Variants in CDH18 observed in about 807,000 individuals in gnomAD.
CDH18 encodes cadherin 18, also known as cadherin-18.
In CDH18, 31 loss-of-function variants were observed where a neutral mutation model predicts 67.9. The ratio of observed to expected loss-of-function variants is 0.46; its 90% CI spans 0.34 to 0.62. The LOEUF (loss-of-function observed/expected upper bound fraction) is 0.62. CDH18 is among the 20% of genes least tolerant of loss of function. The probability of loss-of-function intolerance (pLI) is 0.01; values close to 1 mark genes in which losing one functional copy is unlikely to be tolerated. For synonymous variants in CDH18, 362 were observed against 347.2 expected, an observed-to-expected ratio of 1.04 and a Z score of -0.48; for missense variants, 890 against 975.5, an observed-to-expected ratio of 0.91 and a Z score of 1.17.
At chr5:19,815,174 G>A (rs1199832643) in intron 3 of CDH18, among the ~76,000 whole-genome samples, 2 of 151,892 alleles carry the variant, frequency 1.3e-5, no homozygotes, top group African/African-American at 4.8e-5. Context: ...TTTGTTGGAG[G>A]ACTGTATCTA....
intron 2 of CDH18, among the ~76,000 whole-genome samples, chr5:20,115,333 T>C (rs952537821): frequency 1.5e-5 from 2 of 129,406 alleles, no homozygotes; most frequent in Non-Finnish European, 3.1e-5. Flanking sequence ...GGCTGAAGTG[T>C]AGTGGCGCGA....
chr5:20,431,423 G>T (rs1007717923), intron 1 of CDH18, among the ~76,000 whole-genome samples: 2 of 151,232 alleles, frequency 1.3e-5, no homozygotes, highest in Non-Finnish European at 2.9e-5. Flanking sequence ...AACCCAGAAA[G>T]GTGGAGGCTG....
Position 19,473,091 on chromosome 5 carries a change from C to A in CDH18, c.*135G>T. ...AACCCAGTTTCGATCATGAAAAGGG[C>A]ACTTGTTTCTACAGGAGCTGTGTCC... On this transcript the variant is annotated 3_prime_UTR_variant, in exon 13 of 13. Transcript: ENST00000382275. 1 of 957,036 alleles carries A rather than the reference C, an allele frequency of 1.0e-6. No homozygotes were observed. The highest frequency in any genetic ancestry group is 1.8e-5 in the South Asian group (1 of 56,282). The allele number at this position is 957,036 out of a possible 1,614,324, so 59.3% of individuals were successfully genotyped here.
chr5:19,949,123 T>C (rs1204195586), intron 2 of CDH18, among the ~76,000 whole-genome samples: 1 of 152,120 alleles, frequency 6.6e-6, no homozygotes, highest in East Asian at 1.9e-4. Context: ...TCACACTATA[T>C]TTTCTCAGGA....
intron 3 of CDH18, among the ~76,000 whole-genome samples, chr5:19,824,383 C>T (rs1780197548): frequency 1.3e-5 from 2 of 152,108 alleles, no homozygotes; most frequent in Admixed American, 1.3e-4. Flanking sequence ...AGGAGAACCT[C>T]CCCAGTATGG....
At chr5:19,580,932 TTCA>T (rs1743149084) in intron 7 of CDH18, among the ~76,000 whole-genome samples, 2 of 152,068 alleles carry the variant, frequency 1.3e-5, no homozygotes, top group Admixed American at 6.6e-5. Context: ...AAAAGATACC[TTCA>T]TCATCATCTT....
intron 2 of CDH18, among the ~76,000 whole-genome samples, chr5:20,213,112 G>C (rs1740481515): frequency 6.6e-6 from 1 of 152,110 alleles, no homozygotes; most frequent in South Asian, 2.1e-4. Flanking sequence ...TTGATTAAAA[G>C]TGTATATACA....
At chr5:19,493,415 TAAG>T (rs1437870033) in intron 11 of CDH18, among the ~76,000 whole-genome samples, 1 of 152,086 alleles carries the variant, frequency 6.6e-6, no homozygotes, top group Non-Finnish European at 1.5e-5. Context: ...GAATTTCTCT[TAAG>T]AAGAAAGGCG....
chr5:20,251,823 A>C (rs1234209825), intron 2 of CDH18, among the ~76,000 whole-genome samples: 1 of 152,236 alleles, frequency 6.6e-6, no homozygotes, highest in East Asian at 1.9e-4. Flanking sequence ...TACATGAAAA[A>C]ATAGATCTGA....
At position 19,743,230 on chromosome 5, in the gene CDH18, C is replaced by G. The variant is rs184991266; in HGVS notation, c.523+3712G>C. 3.1e-4 allele frequency among the ~76,000 whole-genome samples: 47 copies of G among 152,258 alleles called. No homozygotes were observed. In the East Asian group the frequency reaches 8.3e-3, roughly 27 times the overall value. On this transcript the variant is annotated intron_variant, in intron 4 of 12. Coordinates refer to ENST00000382275, the MANE Select transcript of CDH18 (RefSeq NM_004934.5). ...TGATCCCATATATTTGTAACAAACG[C>G]TATATTTCTGTCTATATGTATATAG...
chr5:20,560,230 T>C (rs1162980777), intron 1 of CDH18, among the ~76,000 whole-genome samples: 1 of 152,104 alleles, frequency 6.6e-6, no homozygotes, highest in Admixed American at 6.6e-5. Context: ...CTGTATCTTC[T>C]TATGGACTTT....
intron 6 of CDH18, among the ~76,000 whole-genome samples, chr5:19,597,517 TAAAC>T (rs1001004070): frequency 2.2e-4 from 33 of 152,138 alleles, no homozygotes; most frequent in African/African-American, 7.2e-4. Flanking sequence ...AAAACCAAAA[TAAAC>T]AAACAAACAA....
intron 1 of CDH18, among the ~76,000 whole-genome samples, chr5:20,549,942 G>A (rs2126616983): frequency 6.6e-6 from 1 of 152,236 alleles, no homozygotes; most frequent in Admixed American, 6.5e-5. Context: ...AAATATCAGT[G>A]ACCTTTTTGA....
chr5:19,743,205 T>C (rs1769461902), intron 4 of CDH18, among the ~76,000 whole-genome samples: 1 of 152,184 alleles, frequency 6.6e-6, no homozygotes, highest in African/African-American at 2.4e-5. Context: ...GGAAGAAGCA[T>C]GATCCCATAT....
intron 1 of CDH18, among the ~76,000 whole-genome samples, chr5:20,353,605 G>T (rs934775978): frequency 2.6e-5 from 4 of 152,110 alleles, no homozygotes; most frequent in African/African-American, 9.7e-5. Context: ...TGGAGTTCAG[G>T]AATTCAGGCT....
chr5:20,100,416 T>A (rs977402964), intron 2 of CDH18, among the ~76,000 whole-genome samples: 7 of 152,268 alleles, frequency 4.6e-5, no homozygotes, highest in African/African-American at 1.7e-4. Context: ...TCCCTTGTAT[T>A]AGAAGTGATA....
chr5:20,177,421 C>T (rs1301584218), intron 2 of CDH18, among the ~76,000 whole-genome samples: 4 of 152,084 alleles, frequency 2.6e-5, no homozygotes, highest in South Asian at 2.1e-4. Context: ...TGAGAACATA[C>T]CATTAACTTG....
At chr5:19,650,937 A>G (rs1187813474) in intron 5 of CDH18, among the ~76,000 whole-genome samples, 2 of 152,058 alleles carry the variant, frequency 1.3e-5, no homozygotes, top group African/African-American at 4.8e-5. Flanking sequence ...TAAAATTATC[A>G]TATTAAAATG....
At chr5:20,361,221 G>A (rs1742064303) in intron 1 of CDH18, among the ~76,000 whole-genome samples, 2 of 151,850 alleles carry the variant, frequency 1.3e-5, no homozygotes, top group South Asian at 2.1e-4. Context: ...ATGTTAGTAA[G>A]AAATCAAGGG....
Sources: gnomAD v4.1 joint callset for allele counts (sites outside exome capture counted in the v4.1 genomes callset) on GRCh38, gnomAD v4.1.1 for gene constraint, MANE v1.5 for transcripts, NCBI Gene and HGNC (gene_info 2026-07-23, HGNC 2026-07-21) for gene names.